The following CLYBL variants were observed in gnomAD, a reference collection of about 807,000 sequenced individuals.
The protein encoded by CLYBL is citramalyl-CoA lyase, mitochondrial.
Under a neutral mutation model 38.9 loss-of-function variants are expected in CLYBL, and 31 were observed. The ratio of observed to expected loss-of-function variants is 0.80; its 90% CI spans 0.60 to 1.08. The LOEUF (loss-of-function observed/expected upper bound fraction) is 1.08. Ranked by LOEUF, CLYBL falls within the 50% of genes least tolerant of loss-of-function variation. CLYBL has a pLI of 0.00. For missense variants in CLYBL, 434 were observed against 411.6 expected (o/e 1.05, Z -0.47); for synonymous variants, 171 against 158.6 (o/e 1.08, Z -0.59).
At chr13:99,876,065 TTCAC>T (rs2052031182) in intron 7 of CLYBL, among the ~76,000 whole-genome samples, 1 of 129,098 alleles carries the variant, frequency 7.7e-6, no homozygotes, top group African/African-American at 2.9e-5. Context: ...CATATTCTAT[TTCAC>T]TTTTTTTTTT....
chr13:99,756,862 T>C (rs2049071862), intron 1 of CLYBL, among the ~76,000 whole-genome samples: 1 of 152,212 alleles, frequency 6.6e-6, no homozygotes, highest in African/African-American at 2.4e-5. Flanking sequence ...CTTCTTTGAT[T>C]ACTATTGCTA....
intron 1 of CLYBL, among the ~76,000 whole-genome samples, chr13:99,730,246 T>TA (rs2048564055): frequency 6.6e-6 from 1 of 152,228 alleles, no homozygotes; most frequent in Non-Finnish European, 1.5e-5. Context: ...TGCATCCATG[T>TA]ACTCCTTTGG....
chr13:99,838,722 G>T (rs1478813012), intron 2 of CLYBL, among the ~76,000 whole-genome samples: 1 of 152,088 alleles, frequency 6.6e-6, no homozygotes, highest in Non-Finnish European at 1.5e-5. Context: ...TGCAAGCTCC[G>T]CCTCCCAGGT....
At chr13:99,813,140 A>G (rs745494735) in intron 2 of CLYBL, among the ~76,000 whole-genome samples, 1 of 152,038 alleles carries the variant, frequency 6.6e-6, no homozygotes, top group Non-Finnish European at 1.5e-5. Flanking sequence ...TTTTTGTCTC[A>G]GGAAAAAAAA....
chr13:99,648,906 A>T (rs930927361), intron 1 of CLYBL, among the ~76,000 whole-genome samples: 2 of 150,794 alleles, frequency 1.3e-5, no homozygotes, highest in African/African-American at 5.0e-5. Flanking sequence ...GAACATAAGG[A>T]TATATATATT....
At chr13:99,833,057 T>TTTTG (rs2050855292) in intron 2 of CLYBL, among the ~76,000 whole-genome samples, 1 of 89,230 alleles carries the variant, frequency 1.1e-5, no homozygotes, top group Non-Finnish European at 2.3e-5. Context: ...TTTTTTTTTT[T>TTTTG]TGAGATGGAG....
intron 1 of CLYBL, among the ~76,000 whole-genome samples, chr13:99,668,253 G>A (rs1220426127): frequency 2.7e-5 from 4 of 145,800 alleles, no homozygotes; most frequent in East Asian, 4.1e-4. Context: ...CAGCCTGGGC[G>A]ACAGAGTGAG....
At chr13:99,885,731 C>T (rs1031948582) in intron 7 of CLYBL, among the ~76,000 whole-genome samples, 26 of 152,134 alleles carry the variant, frequency 1.7e-4, no homozygotes, top group East Asian at 3.9e-4. Context: ...CAAGGGCACA[C>T]GAGGGCCTTT....
At chr13:99,749,876 A>G (rs1016763552) in intron 1 of CLYBL, among the ~76,000 whole-genome samples, 1 of 152,166 alleles carries the variant, frequency 6.6e-6, no homozygotes, top group Admixed American at 6.5e-5. Context: ...CAAAATAGGG[A>G]AGGAATCTCT....
At chr13:99,763,387 A>G (rs1396367877) in intron 1 of CLYBL, among the ~76,000 whole-genome samples, 1 of 152,076 alleles carries the variant, frequency 6.6e-6, no homozygotes, top group Non-Finnish European at 1.5e-5. Flanking sequence ...GCGATGCTGA[A>G]TTTTATCAAA....
intron 1 of CLYBL, among the ~76,000 whole-genome samples, chr13:99,620,068 C>T (rs2046770070): frequency 6.6e-6 from 1 of 152,154 alleles, no homozygotes. Context: ...GTGTCTCTGC[C>T]TGCAGCAGGG....
chr13:99,860,782 G>A (rs932322868), intron 3 of CLYBL, among the ~76,000 whole-genome samples: 12 of 152,190 alleles, frequency 7.9e-5, no homozygotes, highest in African/African-American at 2.7e-4. Flanking sequence ...GTATTTATGC[G>A]AAGCATAAAA....
Position 99,672,194 on chromosome 13 carries a change from T to TC in CLYBL, c.62+65437_62+65438insC, listed in dbSNP as rs202045064. ...GAATCTTTTCTTCGGGAATTTCTTT[T>TC]TTTTTTTCTTTTTTTTTTTTTTGAG... On this transcript the variant is annotated intron_variant, in intron 1 of 8. Transcript: ENST00000339105. Among the ~76,000 whole-genome samples the TC allele has an allele frequency of 6.0e-5, 9 of 150,914 alleles. 1 individual carries two copies. The highest frequency in any genetic ancestry group is 4.4e-5 in the Non-Finnish European group (3 of 67,778).
At chr13:99,768,192 C>CTTTTTTTTTT (rs58499426) in intron 1 of CLYBL, among the ~76,000 whole-genome samples, 9 of 102,670 alleles carry the variant, frequency 8.8e-5, no homozygotes, top group African/African-American at 1.5e-4. Flanking sequence ...TTTTCTTTTT[C>CTTTTTTTTTT]TTTTTTTTTT....
At chr13:99,608,110 C>T (rs1302675441) in intron 1 of CLYBL, among the ~76,000 whole-genome samples, 1 of 135,144 alleles carries the variant, frequency 7.4e-6, no homozygotes, top group African/African-American at 2.8e-5. Flanking sequence ...TCGCTTTTGT[C>T]GCCCAGGCTG....
At chr13:99,841,812 C>CTTTTTTTTTTT (rs67827288) in intron 2 of CLYBL, among the ~76,000 whole-genome samples, 1 of 105,396 alleles carries the variant, frequency 9.5e-6, no homozygotes. Context: ...TTTTCTTTTC[C>CTTTTTTTTTTT]TTTTTTTTTT....
intron 1 of CLYBL, among the ~76,000 whole-genome samples, chr13:99,660,338 C>A (rs2047391177): frequency 6.6e-6 from 1 of 152,196 alleles, no homozygotes; most frequent in Non-Finnish European, 1.5e-5. Context: ...GGTCATCCTT[C>A]AGGGTAACTG....
At chr13:99,614,774 G>C (rs540345805) in intron 1 of CLYBL, among the ~76,000 whole-genome samples, 90 of 152,166 alleles carry the variant, frequency 5.9e-4, no homozygotes, top group African/African-American at 1.8e-3. Context: ...AAGGAGTCAG[G>C]GGGGGAGGCC....
chr13:99,673,053 C>A (rs752254469), intron 1 of CLYBL, among the ~76,000 whole-genome samples: 3 of 152,080 alleles, frequency 2.0e-5, no homozygotes, highest in Non-Finnish European at 4.4e-5. Flanking sequence ...CTGATGGTAA[C>A]AACAGAGATA....
Sources: allele counts gnomAD v4.1 joint callset (sites outside exome capture counted in the v4.1 genomes callset), GRCh38; gene constraint gnomAD v4.1.1; transcripts MANE v1.5; gene names NCBI Gene and HGNC (gene_info 2026-07-23, HGNC 2026-07-21).